TTC19: variants seen among roughly 807,000 people sequenced by gnomAD.
TTC19 encodes tetratricopeptide repeat domain 19.
A neutral mutation model predicts 49.5 loss-of-function variants in TTC19; 38 were observed. The observed-to-expected ratio is 0.77, with a 90% confidence interval of 0.59 to 1.01. The LOEUF (loss-of-function observed/expected upper bound fraction) is 1.01, where lower values mean the gene tolerates loss of function less well. Ranked by LOEUF, TTC19 falls within the 50% of genes least tolerant of loss-of-function variation. The pLI, the probability that TTC19 is intolerant of heterozygous loss-of-function variation, is 0.00. For missense variants in TTC19, 475 were observed against 477.7 expected (o/e 0.99, Z 0.05); for synonymous variants, 204 against 185.2 (o/e 1.10, Z -0.83).
At chr17:16,024,622 A>C (rs769634324) in intron 7 of TTC19, 13 of 276,338 alleles carry the variant, frequency 4.7e-5, no homozygotes, top group Non-Finnish European at 8.4e-5. Flanking sequence ...TGAATTCTTT[A>C]AATTCAGCTT....
downstream of TTC19, chr17:16,029,765 A>G (rs1971777626): frequency 6.6e-6 from 1 of 152,544 alleles, no homozygotes; most frequent in Admixed American, 6.5e-5. Context: ...ATTTTGAACC[A>G]AGAACTATTA....
intron 2 of TTC19, among the ~76,000 whole-genome samples, chr17:16,036,565 C>A (rs2056415633): frequency 6.6e-6 from 1 of 152,204 alleles, no homozygotes; most frequent in East Asian, 1.9e-4. Flanking sequence ...TATCAAAGAT[C>A]TTAGCTAGGT....
At chr17:16,001,194 C>G (rs1970718146) in intron 2 of TTC19, among the ~76,000 whole-genome samples, 1 of 152,110 alleles carries the variant, frequency 6.6e-6, no homozygotes, top group Non-Finnish European at 1.5e-5. Flanking sequence ...TGTCAGAAAG[C>G]TCTGAATGGC....
intron 2 of TTC19, among the ~76,000 whole-genome samples, chr17:16,038,379 G>A (rs1247785997): frequency 1.3e-5 from 2 of 152,092 alleles, no homozygotes; most frequent in African/African-American, 4.8e-5. Context: ...ACAAGCATTA[G>A]CATTCCGGAT....
chr17:16,040,608 C>A, intron 2 of TTC19: 1 of 933,020 alleles, frequency 1.1e-6, no homozygotes, highest in Non-Finnish European at 1.6e-6. Flanking sequence ...ATGATCTCAA[C>A]CTTTATTTCT....
At chr17:16,041,938 G>A (rs536501885) in intron 2 of TTC19, among the ~76,000 whole-genome samples, 2 of 151,996 alleles carry the variant, frequency 1.3e-5, no homozygotes, top group South Asian at 2.1e-4. Flanking sequence ...GGATTTCACC[G>A]TGTTAGCCAG....
At chr17:16,044,810 G>T in exon 3 of TTC19, 1 of 1,101,902 alleles carries the variant, frequency 9.1e-7, no homozygotes. Flanking sequence ...CTACAATGTA[G>T]GGGCTGGTGG....
downstream of TTC19, among the ~76,000 whole-genome samples, chr17:16,034,156 T>C (rs1432913328): frequency 1.3e-5 from 2 of 152,258 alleles, no homozygotes; most frequent in Non-Finnish European, 2.9e-5. Context: ...AACCACCTTA[T>C]TTGCTTTGCA....
chr17:16,040,084 C>G (rs1185265496), intron 2 of TTC19: 8 of 467,270 alleles, frequency 1.7e-5, no homozygotes, highest in African/African-American at 3.9e-5. Context: ...GCCACCGCAC[C>G]CAGCCCAGAG....
chr17:16,041,881 C>T (rs890252534), intron 2 of TTC19, among the ~76,000 whole-genome samples: 7 of 151,874 alleles, frequency 4.6e-5, no homozygotes, highest in Middle Eastern at 3.4e-3. Flanking sequence ...GGACTACAGG[C>T]GCCCGCCACT....
intron 5 of TTC19, 151 bp downstream of exon 5, chr17:16,004,038 C>A: frequency 8.9e-7 from 1 of 1,129,890 alleles, no homozygotes; most frequent in Non-Finnish European, 1.3e-6. Flanking sequence ...CATTCTTTCA[C>A]TAAATGCAAC....
intron 2 of TTC19, 30 bp downstream of exon 2, chr17:16,000,275 C>G (rs765038604): frequency 3.8e-6 from 6 of 1,592,714 alleles, no homozygotes; most frequent in Non-Finnish European, 4.2e-6. Context: ...TGCGCCCGGC[C>G]GAGCGCGGTA....
intron 2 of TTC19, chr17:16,034,632 GA>G (rs1973736713): frequency 3.7e-6 from 3 of 818,798 alleles, no homozygotes; most frequent in Middle Eastern, 2.4e-4. Flanking sequence ...CGGGAAAGTG[GA>G]ACATATTAAT....
intron 8 of TTC19, 110 bp downstream of exon 8, chr17:16,025,281 C>T (rs1488939325): frequency 8.8e-7 from 1 of 1,141,768 alleles, no homozygotes; most frequent in African/African-American, 1.5e-5. Context: ...CCTAGATCCT[C>T]CTTGGTCCCC....
rs774974653 is a variant in TTC19 at position 16,001,989 on chromosome 17, T to G, written c.387T>G (p.Thr129=). 6.2e-7 allele frequency: 1 copy of G among 1,613,216 alleles called. No homozygotes were observed. Among genetic ancestry groups the G allele is most frequent in the Admixed American group, 1.7e-5 (1 of 60,026 alleles). The change falls in exon 3 of 10, where the codon ACT becomes ACG. Residue 129 remains threonine (T), a synonymous_variant. Coordinates refer to ENST00000261647, the MANE Select transcript of TTC19 (RefSeq NM_017775.4). ...LHDALRLAYQ[T]DNKKAITYTY... ...ACGCTCTTCGTCTCGCCTATCAGAC[T>G]GATAACAAGAAGGCCATCACTTACA...
At chr17:16,008,681 T>TTA (rs1216970114) in intron 7 of TTC19, among the ~76,000 whole-genome samples, 4 of 152,162 alleles carry the variant, frequency 2.6e-5, no homozygotes, top group African/African-American at 9.7e-5. Context: ...CACACTGGTC[T>TTA]TATTCTGGCA....
Position 16,000,043 on chromosome 17 carries a change from C to CGGGCCGGGCG in TTC19, c.184+19_184+28dup. 7.9e-7 allele frequency: 1 copy of CGGGCCGGGCG among 1,262,364 alleles called. No individual in the cohort carries two copies. The highest frequency in any genetic ancestry group is 2.5e-5 in the South Asian group (1 of 39,350). The allele number at this position is 1,262,364 out of a possible 1,614,324, so 78.2% of individuals were successfully genotyped here. On this transcript the variant is annotated intron_variant, in intron 1 of 9. Coordinates refer to ENST00000261647, the MANE Select transcript of TTC19 (RefSeq NM_017775.4). ...TGCCGCTGCTGGCAGGTGAGGGGCG[C>CGGGCCGGGCG]GGGCCGGGCGGGGCCGGCCGGGCGG... is the stretch of plus-strand genomic sequence containing the variant.
intron 4 of TTC19, among the ~76,000 whole-genome samples, chr17:16,003,405 A>G (rs8077643): frequency 0.07 from 10,312 of 148,368 alleles, 526 homozygotes; most frequent in African/African-American, 0.15. Flanking sequence ...CGTGTGCCAC[A>G]ACACTTGGCT....
chr17:16,017,739 TAAG>T (rs1462012437), intron 7 of TTC19, among the ~76,000 whole-genome samples: 3 of 152,280 alleles, frequency 2.0e-5, no homozygotes, highest in East Asian at 3.9e-4. Flanking sequence ...CCAGCCTGGT[TAAG>T]AAGAGCGAAA....
Sources: allele counts gnomAD v4.1 joint callset (sites outside exome capture counted in the v4.1 genomes callset), GRCh38; gene constraint gnomAD v4.1.1; transcripts MANE v1.5; gene names NCBI Gene and HGNC (gene_info 2026-07-23, HGNC 2026-07-21).